TMEM132D: variants seen among roughly 807,000 people sequenced by gnomAD.
TMEM132D encodes mature OL transmembrane protein.
Under a neutral mutation model 62.3 loss-of-function variants are expected in TMEM132D, and 21 were observed. The observed-to-expected ratio is 0.34, with a 90% CI of 0.24 to 0.49. TMEM132D has a LOEUF of 0.49. Among genes scored for constraint, TMEM132D ranks in the 20% least tolerant of loss-of-function variants. The pLI is 0.99. For missense variants in TMEM132D, 1,346 were observed against 1,402.8 expected, an observed-to-expected ratio of 0.96 and a Z score of 0.65; for synonymous variants, 621 against 575.6, an observed-to-expected ratio of 1.08 and a Z score of -1.13.
chr12:129,552,011 C>T (rs1010591370), intron 2 of TMEM132D, among the ~76,000 whole-genome samples: 2 of 152,070 alleles, frequency 1.3e-5, no homozygotes, highest in East Asian at 1.9e-4. Flanking sequence ...TATACATAGG[C>T]GAGGGAAGGG....
intron 3 of TMEM132D, among the ~76,000 whole-genome samples, chr12:129,421,564 C>G (rs1253356143): frequency 6.6e-6 from 1 of 152,164 alleles, no homozygotes; most frequent in Non-Finnish European, 1.5e-5. Context: ...CAAGAACTAC[C>G]TATTTCAAAA....
intron 4 of TMEM132D, among the ~76,000 whole-genome samples, chr12:129,269,373 C>T (rs969164517): frequency 1.5e-5 from 2 of 136,346 alleles, no homozygotes; most frequent in African/African-American, 5.1e-5. Flanking sequence ...CCCTTCCTCC[C>T]TTCCCCTTTG....
chr12:129,772,917 A>G (rs142199120), intron 1 of TMEM132D, among the ~76,000 whole-genome samples: 2 of 152,366 alleles, frequency 1.3e-5, no homozygotes, highest in East Asian at 1.9e-4. Flanking sequence ...AATGGAGAAG[A>G]CATAGATGCT....
At position 129,621,970 on chromosome 12, in the gene TMEM132D, T is replaced by C. The variant is rs182188603; in HGVS notation, c.968+77840A>G. Among the ~76,000 whole-genome samples, 575 of 152,296 alleles carry C rather than the reference T, an allele frequency of 3.8e-3. 5 individuals carry two copies. The highest frequency in any genetic ancestry group is 0.012 in the Admixed American group (177 of 15,298). On this transcript the variant is annotated intron_variant, in intron 2 of 8. Transcript: ENST00000422113. ...TGGTCTGTTCTCTCCCTAGCGCCCA[T>C]TTGATTTTGGAAAAGGAGAGAAGGT...
chr12:129,468,815 G>A (rs1415891015), intron 3 of TMEM132D, among the ~76,000 whole-genome samples: 1 of 152,158 alleles, frequency 6.6e-6, no homozygotes, highest in Non-Finnish European at 1.5e-5. Context: ...AGGTGTTGGT[G>A]CCTTTTATTT....
intron 3 of TMEM132D, among the ~76,000 whole-genome samples, chr12:129,516,569 T>G (rs1875689110): frequency 6.6e-6 from 1 of 152,112 alleles, no homozygotes; most frequent in African/African-American, 2.4e-5. Context: ...TTCACTACCA[T>G]GAGAACAGTA....
At chr12:129,634,043 A>C (rs1565930469) in intron 2 of TMEM132D, among the ~76,000 whole-genome samples, 1 of 152,146 alleles carries the variant, frequency 6.6e-6, no homozygotes, top group Non-Finnish European at 1.5e-5. Context: ...GGCTCTCAGA[A>C]CCCAGCATAT....
chr12:129,770,808 T>TA (rs1163809400), intron 1 of TMEM132D, among the ~76,000 whole-genome samples: 1 of 152,216 alleles, frequency 6.6e-6, no homozygotes, highest in Non-Finnish European at 1.5e-5. Flanking sequence ...ATACTGTACT[T>TA]AAAGTGAAAA....
At chr12:129,209,744 C>T (rs1382621274) in intron 4 of TMEM132D, 81 bp from the exon 5 acceptor site, 32 of 1,569,406 alleles carry the variant, frequency 2.0e-5, no homozygotes, top group Non-Finnish European at 2.7e-5. Context: ...TGCCTTTCCT[C>T]AGCCTCCCTG....
At chr12:129,160,472 C>T (rs1464985955) in intron 5 of TMEM132D, among the ~76,000 whole-genome samples, 1 of 152,214 alleles carries the variant, frequency 6.6e-6, no homozygotes, top group African/African-American at 2.4e-5. Context: ...CATCTTGTTG[C>T]TGACACAGCA....
intron 2 of TMEM132D, chr12:129,683,172 C>T (rs1355120719): frequency 6.6e-6 from 1 of 151,730 alleles, no homozygotes; most frequent in Non-Finnish European, 1.5e-5. Context: ...TCAGTGACTG[C>T]CTTCCTATTT....
Position 129,468,199 on chromosome 12 carries a change from G to GTA in TMEM132D, c.1115+62859_1115+62860insTA, listed in dbSNP as rs71451315. 2.0e-5 allele frequency among the ~76,000 whole-genome samples: 3 copies of GTA among 152,010 alleles called. No individual in the cohort carries two copies. The South Asian group carries it at 6.3e-4, about 32-fold the overall frequency. ...TACACAAAGCTTTGTGTGTGTGTGT[G>GTA]TGTGTTTTCTCCCCTGGCTTCTGAC... On this transcript the variant is annotated intron_variant, in intron 3 of 8. Transcript: ENST00000422113.
At chr12:129,719,127 T>A (rs990230103) in intron 1 of TMEM132D, among the ~76,000 whole-genome samples, 6 of 150,482 alleles carry the variant, frequency 4.0e-5, no homozygotes, top group Admixed American at 1.3e-4. Flanking sequence ...AGTGGCGCAT[T>A]CCTGTACCTG....
At chr12:129,337,099 C>G (rs1869307117) in intron 4 of TMEM132D, among the ~76,000 whole-genome samples, 1 of 152,220 alleles carries the variant, frequency 6.6e-6, no homozygotes, top group Non-Finnish European at 1.5e-5. Context: ...CACCGGGCAG[C>G]TGTCCAGTTG....
chr12:129,742,073 CTCCTCACAAAGG>C (rs1869627782), intron 1 of TMEM132D, among the ~76,000 whole-genome samples: 2 of 152,158 alleles, frequency 1.3e-5, no homozygotes, highest in Non-Finnish European at 2.9e-5. Context: ...TTGGTGTGCT[CTCCTCACAAAGG>C]TTTAGTGTAC....
intron 1 of TMEM132D, among the ~76,000 whole-genome samples, chr12:129,780,342 G>C (rs11060550): frequency 0.061 from 8,803 of 144,400 alleles, 389 homozygotes; most frequent in Non-Finnish European, 0.085. Context: ...GGTGGGGAGG[G>C]GGGGGGCCGG....
intron 1 of TMEM132D, among the ~76,000 whole-genome samples, chr12:129,768,882 A>G (rs987538526): frequency 5.3e-5 from 8 of 152,228 alleles, no homozygotes; most frequent in Non-Finnish European, 8.8e-5. Context: ...ATTTTCAACG[A>G]ACTTTTAGGA....
At chr12:129,523,578 C>A (rs569580006) in intron 3 of TMEM132D, among the ~76,000 whole-genome samples, 2 of 152,248 alleles carry the variant, frequency 1.3e-5, no homozygotes, top group South Asian at 4.1e-4. Flanking sequence ...AACTCAGTGC[C>A]GTTACCCACG....
At chr12:129,342,557 A>G (rs1267302924) in intron 3 of TMEM132D, among the ~76,000 whole-genome samples, 2 of 152,222 alleles carry the variant, frequency 1.3e-5, no homozygotes, top group Non-Finnish European at 2.9e-5. Context: ...ATGGCAACAG[A>G]AGCCAAAATT....
Sources: gnomAD v4.1 joint callset for allele counts (sites outside exome capture counted in the v4.1 genomes callset) on GRCh38, gnomAD v4.1.1 for gene constraint, MANE v1.5 for transcripts, NCBI Gene and HGNC (gene_info 2026-07-23, HGNC 2026-07-21) for gene names.